Variants in RNPEPL1 observed in about 807,000 individuals in gnomAD.
RNPEPL1 encodes arginyl aminopeptidase like 1.
A neutral mutation model predicts 69.0 loss-of-function variants in RNPEPL1; 46 were observed. That is an observed-to-expected ratio of 0.67 (90% confidence interval 0.53 to 0.85). RNPEPL1 has a LOEUF of 0.85. Among genes scored for constraint, RNPEPL1 ranks in the 40% least tolerant of loss-of-function variants. The pLI is 0.00. For missense variants in RNPEPL1, 869 were observed against 992.5 expected, an observed-to-expected ratio of 0.88 and a Z score of 1.67; for synonymous variants, 525 against 454.1, an observed-to-expected ratio of 1.16 and a Z score of -1.98.
chr2:240,577,500 G>C, intron 10 of RNPEPL1, 99 bp from the exon 11 acceptor site: 1 of 1,336,156 alleles, frequency 7.5e-7, no homozygotes, highest in South Asian at 1.5e-5. Flanking sequence ...ATGAAGCTGG[G>C]AAGCCAGGGG....
At chr2:240,570,201 C>T (rs933990814) in intron 1 of RNPEPL1, among the ~76,000 whole-genome samples, 2 of 152,238 alleles carry the variant, frequency 1.3e-5, no homozygotes, top group Admixed American at 6.5e-5. Context: ...GTGTCTGGTC[C>T]GCCCAACACT....
chr2:240,569,287 A>C, intron 1 of RNPEPL1, 173 bp downstream of exon 1: 1 of 677,558 alleles, frequency 1.5e-6, no homozygotes. Context: ...CTCGGATAGA[A>C]GCCGGAGTCC....
intron 8 of RNPEPL1, 34 bp downstream of exon 8, chr2:240,575,644 C>T: frequency 6.4e-7 from 1 of 1,572,044 alleles, no homozygotes; most frequent in Non-Finnish European, 8.7e-7. Context: ...AGCCAGGGAG[C>T]CGTGGGTATG....
At chr2:240,573,294 C>T (rs552207542) in intron 3 of RNPEPL1, 33 bp downstream of exon 3, 108 of 1,538,290 alleles carry the variant, frequency 7.0e-5, no homozygotes, top group South Asian at 1.3e-4. Flanking sequence ...TCTGGGGCTG[C>T]GCAGGCCTCG....
rs2093046128 is a variant in RNPEPL1 at position 240,578,906 on chromosome 2, ACCC to A, written c.*1017_*1019del. ...GAATCCTGCCCAGCCCCTTGGCTGG[ACCC>A]CCTGGGCCTGAGTAGCCTCTGGATG... On this transcript the variant is annotated 3_prime_UTR_variant, in exon 11 of 11. Transcript: ENST00000270357. The A allele has an allele frequency of 6.6e-6, 1 of 152,120 alleles. No homozygotes were observed. Among genetic ancestry groups the A allele is most frequent in the African/African-American group, 2.4e-5 (1 of 41,360 alleles). 9.4% of individuals were successfully genotyped at this position (152,120 alleles called of 1,614,324 possible).
At position 240,572,527 on chromosome 2, in the gene RNPEPL1, A is replaced by G; in HGVS notation, c.633A>G (p.Thr211=). Residue 211 remains threonine, a synonymous_variant, in exon 2 of 11, where the codon ACA becomes ACG. Transcript: ENST00000270357. ...GCTCCTTCTTCCCGTGCTTCGACAC[A>G]CCTGCCGTGAAGTGCACCTACTCTG... ...CNRSFFPCFD[T]PAVKCTYSAV... The G allele has an allele frequency of 1.3e-6, 2 of 1,536,124 alleles. No individual in the cohort carries two copies. The highest frequency in any genetic ancestry group is 2.4e-5 in the South Asian group (2 of 84,066).
intron 8 of RNPEPL1, 64 bp from the exon 9 acceptor site, chr2:240,576,471 C>T: frequency 1.4e-6 from 2 of 1,461,278 alleles, no homozygotes; most frequent in Non-Finnish European, 1.9e-6. Context: ...GTCTCCTGGG[C>T]AGATTGCTCA....
In RNPEPL1 at chr2:240,572,404, T is replaced by G. The variant is rs1427237254; in HGVS notation, c.529-19T>G. ...CCCTAGCTGGGTGGCCGTCTGCTGA[T>G]GGGCCATCCTGCCCACAGATCTGGT... is the stretch of plus-strand genomic sequence containing the variant. On this transcript the variant is annotated intron_variant, in intron 1 of 10. Coordinates refer to ENST00000270357, the MANE Select transcript of RNPEPL1 (RefSeq NM_018226.6). 6.5e-7 allele frequency: 1 copy of G among 1,535,526 alleles called. No homozygotes were observed. Among genetic ancestry groups the G allele is most frequent in the African/African-American group, 1.4e-5 (1 of 73,050 alleles).
chr2:240,572,502 G>A lies in RNPEPL1; in HGVS notation c.608G>A (p.Arg203His), dbSNP rs1356745852. 4.6e-6 allele frequency: 7 copies of A among 1,536,260 alleles called. No individual in the cohort carries two copies. The highest frequency in any genetic ancestry group is 6.1e-6 in the Non-Finnish European group (7 of 1,146,896). ...ACCCAGGGCCACTCCGTGTGCAACC[G>A]CTCCTTCTTCCCGTGCTTCGACACA... is the stretch of plus-strand genomic sequence containing the variant. ...VFTQGHSVCN[R>H]SFFPCFDTPA... The change falls in exon 2 of 11, where the codon CGC (arginine) becomes CAC (histidine). Residue 203 changes from arginine (R) to histidine (H), a missense_variant. Arg to His is a conservative substitution (Grantham distance 29). Coordinates refer to ENST00000270357, the MANE Select transcript of RNPEPL1 (RefSeq NM_018226.6).
chr2:240,571,281 G>C (rs1157279339), intron 1 of RNPEPL1, among the ~76,000 whole-genome samples: 1 of 152,200 alleles, frequency 6.6e-6, no homozygotes, highest in South Asian at 2.1e-4. Flanking sequence ...GGACTGCGGG[G>C]GAGGCAGCCC....
At chr2:240,577,489 G>A (rs1449024129) in intron 10 of RNPEPL1, 110 bp from the exon 11 acceptor site, 5 of 1,246,720 alleles carry the variant, frequency 4.0e-6, no homozygotes, top group East Asian at 4.8e-5. Flanking sequence ...CAGCCCTAAT[G>A]ATGAAGCTGG....
At position 240,568,895 on chromosome 2, in the gene RNPEPL1, CT is replaced by C; in HGVS notation, c.311del (p.Phe104SerfsTer81). The C allele has an allele frequency of 1.6e-6, 2 of 1,275,168 alleles. No individual in the cohort carries two copies. The highest frequency in any genetic ancestry group is 4.1e-5 in the Admixed American group (1 of 24,542). 79.0% of individuals were successfully genotyped at this position (1,275,168 alleles called of 1,614,324 possible). A position where few individuals can be genotyped will look rare whatever the true frequency, so the allele number is the denominator to read the frequency against. On this transcript the variant is annotated frameshift_variant, in exon 1 of 11. Transcript: ENST00000270357. LOFTEE classifies it high-confidence loss of function. This position sits in a 1 kb window ranked among gnomAD's most constrained non-coding sequence, Gnocchi z 6.2. ...PAAAAETPCAFAFSAPGPGPA... is the reference protein window; with the variant it reads ...PAAAAETPCAXAFSAPGPGPA... The stretch of plus-strand genomic sequence containing the variant: ...CCGCCGCCGCCGAGACGCCCTGCGC[CT>C]TCGCCTTCTCCGCCCCCGGGCCGGG...
chr2:240,574,945 C>A, intron 6 of RNPEPL1, 85 bp from the exon 7 acceptor site: 3 of 1,041,982 alleles, frequency 2.9e-6, no homozygotes, highest in Non-Finnish European at 4.5e-6. Flanking sequence ...CCTTGCTGCT[C>A]CTCGGAGCCT....
chr2:240,574,460 C>A, intron 5 of RNPEPL1, 55 bp from the exon 6 acceptor site: 1 of 1,545,080 alleles, frequency 6.5e-7, no homozygotes, highest in Non-Finnish European at 8.8e-7. Context: ...CCTCCTGCTT[C>A]CCCCGACGAC....
At chr2:240,571,629 G>A (rs1392876629) in intron 1 of RNPEPL1, among the ~76,000 whole-genome samples, 1 of 151,728 alleles carries the variant, frequency 6.6e-6, no homozygotes, top group Non-Finnish European at 1.5e-5. Context: ...CAGTGGGGCT[G>A]GGGCCTGGCC....
intron 3 of RNPEPL1, among the ~76,000 whole-genome samples, 192 bp downstream of exon 3, chr2:240,573,453 C>G (rs1008673794): frequency 6.6e-6 from 1 of 152,198 alleles, no homozygotes; most frequent in Non-Finnish European, 1.5e-5. Flanking sequence ...GACCCGGCAG[C>G]CTGGCCCACC....
chr2:240,573,684 G>A lies in RNPEPL1; in HGVS notation c.822-91G>A, dbSNP rs1484405468. The A allele has an allele frequency of 2.7e-6, 3 of 1,114,688 alleles. No individual in the cohort carries two copies. In the East Asian group the frequency reaches 7.8e-5, roughly 29 times the overall value. The allele number at this position is 1,114,688 out of a possible 1,614,324, so 69.0% of individuals were successfully genotyped here. A position where few individuals can be genotyped will look rare whatever the true frequency, so the allele number is the denominator to read the frequency against. On this transcript the variant is annotated intron_variant, in intron 3 of 10. Transcript: ENST00000270357. ...CAGCCAGGCTGGGTGAGGTGTGGGTGTTACTGGAGCCCCAGGGCAGTGGGA... is the reference window on the plus strand; with the variant it reads ...CAGCCAGGCTGGGTGAGGTGTGGGTATTACTGGAGCCCCAGGGCAGTGGGA...
intron 8 of RNPEPL1, chr2:240,575,979 G>A (rs1362267525): frequency 1.3e-5 from 4 of 301,658 alleles, no homozygotes; most frequent in South Asian, 3.9e-5. Flanking sequence ...GTCCCTGAGG[G>A]TCTGAGGGCT....
chr2:240,575,859 G>T, intron 8 of RNPEPL1: 1 of 534,582 alleles, frequency 1.9e-6, no homozygotes, highest in East Asian at 3.1e-5. Context: ...CAGGAAGCGG[G>T]CCATGGAAAC....
Sources: gnomAD v4.1 joint callset for allele counts (sites outside exome capture counted in the v4.1 genomes callset) on GRCh38, gnomAD v4.1.1 for gene constraint, Gnocchi (gnomAD v3.1) non-coding constraint, MANE v1.5 for transcripts, NCBI Gene and HGNC (gene_info 2026-07-23, HGNC 2026-07-21) for gene names.